Variants in STX3 observed in about 807,000 individuals in gnomAD.
STX3 encodes the protein syntaxin-3.
Under a neutral mutation model 40.2 loss-of-function variants are expected in STX3, and 19 were observed. The ratio of observed to expected loss-of-function variants is 0.47; its 90% CI spans 0.33 to 0.69. The LOEUF (loss-of-function observed/expected upper bound fraction) is 0.69, where lower values mean the gene tolerates loss of function less well. Ranked by LOEUF, STX3 falls within the 30% of genes least tolerant of loss-of-function variation. The probability of loss-of-function intolerance (pLI) is 0.02; values close to 1 mark genes in which losing one functional copy is unlikely to be tolerated. For synonymous variants in STX3, 122 were observed against 132.2 expected, an observed-to-expected ratio of 0.92 and a Z score of 0.53; for missense variants, 364 against 366.7, an observed-to-expected ratio of 0.99 and a Z score of 0.06.
chr11:59,788,956 G>A lies in STX3; in HGVS notation c.289+9G>A. Reference sequence around the variant, plus strand: ...CCGGAACAAACTGAAGAGTAAGAAGGGAACAAAGAAAACAAGGCCGTCCCC... The same window carrying A: ...CCGGAACAAACTGAAGAGTAAGAAGAGAACAAAGAAAACAAGGCCGTCCCC... On this transcript the variant is annotated intron_variant, in intron 4 of 10. Coordinates refer to ENST00000337979, the MANE Select transcript of STX3 (RefSeq NM_004177.5). The A allele has an allele frequency of 6.2e-7, 1 of 1,605,258 alleles. No individual in the cohort carries two copies. Among genetic ancestry groups the A allele is most frequent in the Non-Finnish European group, 8.5e-7 (1 of 1,175,374 alleles).
chr11:59,773,977 C>CAAAAAAAAA (rs5792160), intron 2 of STX3, among the ~76,000 whole-genome samples: 2 of 81,248 alleles, frequency 2.5e-5, no homozygotes, highest in Non-Finnish European at 2.6e-5. Flanking sequence ...CTCACACACA[C>CAAAAAAAAA]AAAAAAAAAA....
chr11:59,785,149 C>G (rs2134984861), intron 2 of STX3, among the ~76,000 whole-genome samples: 1 of 152,200 alleles, frequency 6.6e-6, no homozygotes, highest in East Asian at 1.9e-4. Flanking sequence ...TTTACACTCC[C>G]ATGATATTAT....
At chr11:59,774,788 G>A (rs1471453890) in intron 2 of STX3, among the ~76,000 whole-genome samples, 2 of 152,052 alleles carry the variant, frequency 1.3e-5, no homozygotes, top group African/African-American at 4.8e-5. Context: ...CCGAGATTGC[G>A]CCACTGCACT....
chr11:59,784,194 T>C (rs1236609946), intron 2 of STX3, among the ~76,000 whole-genome samples: 1 of 152,254 alleles, frequency 6.6e-6, no homozygotes, highest in Non-Finnish European at 1.5e-5. Context: ...CTCTTCAGTT[T>C]ATAAAATAAT....
intron 4 of STX3, among the ~76,000 whole-genome samples, chr11:59,789,442 C>CT (rs113424563): frequency 0.11 from 14,991 of 141,274 alleles, 1,067 homozygotes; most frequent in African/African-American, 0.2. Flanking sequence ...CAACTACATA[C>CT]TTTTTTTTTT....
intron 1 of STX3, among the ~76,000 whole-genome samples, chr11:59,771,728 T>C (rs1863659735): frequency 6.6e-6 from 1 of 152,000 alleles, no homozygotes; most frequent in Admixed American, 6.5e-5. Flanking sequence ...GTGTGCATCA[T>C]AGAAGGAGAA....
At chr11:59,771,392 G>GC (rs1863620232) in intron 1 of STX3, among the ~76,000 whole-genome samples, 21 of 49,114 alleles carry the variant, frequency 4.3e-4, no homozygotes, top group African/African-American at 1.1e-3. Flanking sequence ...TTTGCCCCCC[G>GC]TCCCCCCACC....
At chr11:59,772,704 C>T (rs371621974) in intron 1 of STX3, among the ~76,000 whole-genome samples, 8 of 152,078 alleles carry the variant, frequency 5.3e-5, no homozygotes, top group African/African-American at 1.7e-4. Context: ...GCCAAGTTAC[C>T]TAACCTCCCT....
At chr11:59,787,631 A>G (rs1459145836) in intron 3 of STX3, among the ~76,000 whole-genome samples, 3 of 151,974 alleles carry the variant, frequency 2.0e-5, no homozygotes, top group African/African-American at 7.3e-5. Context: ...TTTCTCCCCT[A>G]ATTGTTTGCA....
intron 2 of STX3, among the ~76,000 whole-genome samples, chr11:59,782,189 G>A (rs1284499592): frequency 6.6e-6 from 1 of 152,174 alleles, no homozygotes; most frequent in Non-Finnish European, 1.5e-5. Flanking sequence ...CTTCCTTTTA[G>A]TTATAGTTAT....
chr11:59,755,705 C>T, intron 1 of STX3, 70 bp downstream of exon 1: 1 of 1,475,044 alleles, frequency 6.8e-7, no homozygotes, highest in Non-Finnish European at 9.0e-7. Flanking sequence ...CCTTTGCTCC[C>T]CAAGTCGAGG....
intron 2 of STX3, among the ~76,000 whole-genome samples, chr11:59,785,378 G>A (rs1864686224): frequency 1.3e-5 from 2 of 151,966 alleles, no homozygotes; most frequent in South Asian, 2.1e-4. Flanking sequence ...TTGCTCAGGC[G>A]GGAAATGCAG....
intron 1 of STX3, among the ~76,000 whole-genome samples, chr11:59,764,545 G>T (rs921958977): frequency 6.6e-6 from 1 of 152,146 alleles, no homozygotes; most frequent in South Asian, 2.1e-4. Flanking sequence ...ATATACACTG[G>T]TATCTTTTTC....
intron 2 of STX3, chr11:59,781,501 C>A (rs1864380251): frequency 1.2e-6 from 2 of 1,613,894 alleles, no homozygotes; most frequent in East Asian, 2.2e-5. Flanking sequence ...GTGGTTTCTT[C>A]AAACTTCTCT....
intron 1 of STX3, among the ~76,000 whole-genome samples, chr11:59,768,120 A>G (rs1863371078): frequency 6.6e-6 from 1 of 152,220 alleles, no homozygotes; most frequent in African/African-American, 2.4e-5. Flanking sequence ...TATTTTTTAT[A>G]GAAGAAGGAG....
At chr11:59,795,756 C>G (rs1035126755) in intron 9 of STX3, 2 of 1,498,932 alleles carry the variant, frequency 1.3e-6, no homozygotes, top group African/African-American at 2.8e-5. Flanking sequence ...AGCTGTCTTA[C>G]TAGTATCTCT....
chr11:59,784,091 A>G (rs1354607351), intron 2 of STX3, among the ~76,000 whole-genome samples: 1 of 152,184 alleles, frequency 6.6e-6, no homozygotes, highest in Non-Finnish European at 1.5e-5. Flanking sequence ...AAATGCCTGT[A>G]GTGACACTGA....
chr11:59,772,391 G>A lies in STX3; in HGVS notation c.31-820G>A, dbSNP rs1299007158. On this transcript the variant is annotated intron_variant, in intron 1 of 10. Transcript: ENST00000337979. ...CATTTTGTGAATTTTTACAGAGGAA[G>A]TTGAATGAGATTGAGAAAGCTTGGG... is the stretch of plus-strand genomic sequence containing the variant. Among the ~76,000 whole-genome samples, 4 of 152,234 alleles carry A rather than the reference G, an allele frequency of 2.6e-5. 1 individual carries two copies. Among genetic ancestry groups the A allele is most frequent in the Non-Finnish European group, 5.9e-5 (4 of 68,038 alleles).
In STX3 at chr11:59,788,142, A is replaced by C. The variant is rs556978249; in HGVS notation, c.215-731A>C. ...TTTAGTCTCTTTCTCTACCTGGCCA[A>C]CTCACAGTCCTTGAGACTCAGTCCT... is the stretch of plus-strand genomic sequence containing the variant. On this transcript the variant is annotated intron_variant, in intron 3 of 10. Transcript: ENST00000337979. 1.1e-4 allele frequency among the ~76,000 whole-genome samples: 16 copies of C among 152,004 alleles called. No homozygotes were observed. The South Asian group carries it at 3.3e-3, about 32-fold the overall frequency.
Sources: allele counts gnomAD v4.1 joint callset (sites outside exome capture counted in the v4.1 genomes callset), GRCh38; gene constraint gnomAD v4.1.1; transcripts MANE v1.5; gene names NCBI Gene and HGNC (gene_info 2026-07-23, HGNC 2026-07-21).